Variants in C11orf42 observed in about 807,000 individuals in gnomAD.
C11orf42 encodes the protein uncharacterized protein C11orf42.
Under a neutral mutation model 27.9 loss-of-function variants are expected in C11orf42, and 24 were observed. The ratio of observed to expected loss-of-function variants is 0.86; its 90% confidence interval spans 0.62 to 1.21. C11orf42 has a LOEUF of 1.21. Ranked by LOEUF, C11orf42 falls within the 50% of genes most tolerant of loss-of-function variation. C11orf42 has a pLI of 0.00. For synonymous variants in C11orf42, 187 were observed against 180.8 expected (o/e 1.03, Z -0.28); for missense variants, 455 against 424.1 (o/e 1.07, Z -0.64).
intron 1 of C11orf42, among the ~76,000 whole-genome samples, chr11:6,207,753 T>A (rs1846995071): frequency 6.6e-6 from 1 of 152,198 alleles, no homozygotes; most frequent in South Asian, 2.1e-4. Flanking sequence ...ACAAGCTACC[T>A]CAGCTTATCC....
Position 6,209,922 on chromosome 11 carries a change from CT to C in C11orf42, c.146del (p.Leu49ArgfsTer5). 1 of 1,608,736 alleles carries C rather than the reference CT, an allele frequency of 6.2e-7. No individual in the cohort carries two copies. Among genetic ancestry groups the C allele is most frequent in the Non-Finnish European group, 8.5e-7 (1 of 1,175,368 alleles). On this transcript the variant is annotated frameshift_variant, in exon 2 of 3. Coordinates refer to ENST00000316375, the MANE Select transcript of C11orf42 (RefSeq NM_173525.3). LOFTEE classifies it high-confidence loss of function. ...GTCAGATGCAGCCTGCTATGACCTA[CT>C]GGGTGTGCTGGTAAAACAGTCCCGC... Reference protein sequence around the residue: ...FLSDAACYDLLGVLVKQSRPA... With the variant: ...FLSDAACYDLXGVLVKQSRPA...
At chr11:6,207,992 G>C (rs1307602405) in intron 1 of C11orf42, among the ~76,000 whole-genome samples, 2 of 152,154 alleles carry the variant, frequency 1.3e-5, no homozygotes, top group Non-Finnish European at 2.9e-5. Flanking sequence ...TCAAATATAA[G>C]AGATGCCCAA....
At chr11:6,206,214 T>C (rs1482996528) in intron 1 of C11orf42, among the ~76,000 whole-genome samples, 1 of 152,094 alleles carries the variant, frequency 6.6e-6, no homozygotes, top group Non-Finnish European at 1.5e-5. Context: ...AAAGAAGCAG[T>C]GGTAAAAATA....
Position 6,210,538 on chromosome 11 carries a change from C to G in C11orf42, c.761C>G (p.Pro254Arg), listed in dbSNP as rs1368808547. 6.2e-7 allele frequency: 1 copy of G among 1,613,544 alleles called. No individual in the cohort carries two copies. The highest frequency in any genetic ancestry group is 1.3e-5 in the African/African-American group (1 of 74,914). Residue 254 changes from proline (P) to arginine (R), a missense_variant, in exon 2 of 3, where the codon CCT becomes CGT. Pro to Arg is a moderately radical substitution (Grantham distance 103). Coordinates refer to ENST00000316375, the MANE Select transcript of C11orf42 (RefSeq NM_173525.3). This position sits in a 1 kb window ranked among gnomAD's most constrained non-coding sequence, Gnocchi z 4.0. ...DTTEAADVPP[P>R]VPAPPTPPPQ... is the part of the protein sequence containing the mutation. Reference sequence around the variant, plus strand: ...ACTGAAGCTGCTGATGTGCCCCCACCTGTCCCAGCCCCACCTACGCCACCT... The same window carrying G: ...ACTGAAGCTGCTGATGTGCCCCCACGTGTCCCAGCCCCACCTACGCCACCT...
At chr11:6,209,741 G>T in intron 1 of C11orf42, 109 bp from the exon 2 acceptor site, 1 of 1,129,246 alleles carries the variant, frequency 8.9e-7, no homozygotes. Flanking sequence ...GCATAAATCT[G>T]AACACATTAT....
chr11:6,209,670 G>C (rs1198202334), intron 1 of C11orf42, among the ~76,000 whole-genome samples, 180 bp from the exon 2 acceptor site: 4 of 152,346 alleles, frequency 2.6e-5, no homozygotes, highest in East Asian at 1.9e-4. Context: ...CCAGTACTTA[G>C]ATAGTTTGAC....
chr11:6,207,813 G>A (rs1846995623), intron 1 of C11orf42, among the ~76,000 whole-genome samples: 1 of 152,182 alleles, frequency 6.6e-6, no homozygotes, highest in Non-Finnish European at 1.5e-5. Flanking sequence ...TATGCTAGGA[G>A]GCAGTACTTC....
At position 6,210,035 on chromosome 11, in the gene C11orf42, G is replaced by A. The variant is rs1590595595; in HGVS notation, c.258G>A (p.Gln86=). The A allele has an allele frequency of 6.2e-7, 1 of 1,614,258 alleles. No individual in the cohort carries two copies. The highest frequency in any genetic ancestry group is 1.3e-5 in the African/African-American group (1 of 75,076). ...GGCCACTACCAAGCCTCCTGGAGCA[G>A]GCAGGATCTGAGGGTGCCTTCGCCC... The part of the protein sequence containing the change: ...PVGPLPSLLE[Q]AGSEGAFAHC... The change falls in exon 2 of 3, where the codon CAG becomes CAA. Residue 86 remains glutamine, a synonymous_variant. Transcript: ENST00000316375. This position sits in a 1 kb window ranked among gnomAD's most constrained non-coding sequence, Gnocchi z 4.0.
chr11:6,208,428 TAAG>T (rs1847003729), intron 1 of C11orf42, among the ~76,000 whole-genome samples: 1 of 152,212 alleles, frequency 6.6e-6, no homozygotes, highest in Non-Finnish European at 1.5e-5. Flanking sequence ...ACCAGTCACC[TAAG>T]AAGAATCCTT....
rs59276219 is a variant in C11orf42 at position 6,209,173 on chromosome 11, CA to C, written c.73-655del. On this transcript the variant is annotated intron_variant, in intron 1 of 2. Coordinates refer to ENST00000316375, the MANE Select transcript of C11orf42 (RefSeq NM_173525.3). The stretch of plus-strand genomic sequence containing the variant: ...CCTAGGCGACGAAGGAGAACCGACT[CA>C]AAAAAAAAAAAAAAAAAAAAATTAG... Among the ~76,000 whole-genome samples, 464 of 124,146 alleles carry C rather than the reference CA, an allele frequency of 3.7e-3. 8 individuals are homozygous for C. The South Asian group carries it at 0.066, about 18-fold the overall frequency. The allele number at this position is 124,146 out of a possible 152,430, so 81.4% of individuals were successfully genotyped here. A position where few individuals can be genotyped will look rare whatever the true frequency, so the allele number is the denominator to read the frequency against.
In C11orf42 at chr11:6,209,976, G is replaced by C. The variant is rs749914777; in HGVS notation, c.199G>C (p.Gly67Arg). The stretch of plus-strand genomic sequence containing the variant: ...AGCCCATACCCGCCTGGCTTTGCCA[G>C]GTCGGCAGGGCCGGAGGGCACTGAA... ...RPAHTRLALP[G>R]RQGRRALKPV... is the part of the protein sequence containing the mutation. Residue 67 changes from glycine to arginine, a missense_variant, in exon 2 of 3, where the codon GGT (glycine) becomes CGT (arginine). Physicochemically the swap from Gly to Arg is moderately radical, Grantham distance 125. Coordinates refer to ENST00000316375, the MANE Select transcript of C11orf42 (RefSeq NM_173525.3). 4 of 1,613,644 alleles carry C rather than the reference G, an allele frequency of 2.5e-6. No individual in the cohort carries two copies. The East Asian group carries it at 6.7e-5, about 27-fold the overall frequency.
In C11orf42 at chr11:6,209,888, ACCTTT is replaced by A; in HGVS notation, c.115_119del (p.Phe39ValfsTer7). 2 of 1,598,680 alleles carry A rather than the reference ACCTTT, an allele frequency of 1.3e-6. No homozygotes were observed. ...ACTTTGGGCCCAATGCAGTAGCAGTACCTTTCCTGTCAGATGCAGCCTGCTATGAC... is the reference window on the plus strand; with the variant it reads ...ACTTTGGGCCCAATGCAGTAGCAGTACCTGTCAGATGCAGCCTGCTATGAC... On this transcript the variant is annotated frameshift_variant, in exon 2 of 3. Transcript: ENST00000316375. LOFTEE classifies it high-confidence loss of function.
Position 6,210,099 on chromosome 11 carries a change from A to C in C11orf42, c.322A>C (p.Arg108=), listed in dbSNP as rs1374305843. ...ATACTCACCAAATGGCCGAGCAGAG[A>C]GAGCCTATGAAGAGACGCGAATGTT... ...REYSPNGRAE[R]AYEETRMLDG... Residue 108 remains arginine (R), a synonymous_variant, in exon 2 of 3, where the codon AGA becomes CGA. Coordinates refer to ENST00000316375, the MANE Select transcript of C11orf42 (RefSeq NM_173525.3). This position sits in a 1 kb window ranked among gnomAD's most constrained non-coding sequence, Gnocchi z 4.0. 2.5e-6 allele frequency: 4 copies of C among 1,614,090 alleles called. No individual in the cohort carries two copies. Among genetic ancestry groups the C allele is most frequent in the African/African-American group, 1.3e-5 (1 of 74,934 alleles).
At chr11:6,208,866 T>C (rs1360809713) in intron 1 of C11orf42, among the ~76,000 whole-genome samples, 6 of 152,196 alleles carry the variant, frequency 3.9e-5, no homozygotes, top group Non-Finnish European at 8.8e-5. Context: ...TCTTATTTTA[T>C]GACTTCCTAT....
rs763694674 is a variant in C11orf42 at position 6,210,928 on chromosome 11, C to T, written c.888C>T (p.Ser296=). The change falls in exon 3 of 3, where the codon AGC becomes AGT. Residue 296 remains serine (S), a synonymous_variant. Coordinates refer to ENST00000316375, the MANE Select transcript of C11orf42 (RefSeq NM_173525.3). This position sits in a 1 kb window ranked among gnomAD's most constrained non-coding sequence, Gnocchi z 4.0. ...PQILSENWLF[S]PRSPPPGAQG... is the part of the protein sequence containing the mutation. ...CCCTGGCAGAGAACTGGCTCTTCAG[C>T]CCCCGCAGCCCTCCACCAGGAGCCC... is the stretch of plus-strand genomic sequence containing the variant. 39 of 1,606,590 alleles carry T rather than the reference C, an allele frequency of 2.4e-5. No individual in the cohort carries two copies. The highest frequency in any genetic ancestry group is 1.8e-4 in the Middle Eastern group (1 of 5,660).
chr11:6,209,652 A>T (rs923878555), intron 1 of C11orf42, among the ~76,000 whole-genome samples, 198 bp from the exon 2 acceptor site: 1 of 152,212 alleles, frequency 6.6e-6, no homozygotes, highest in South Asian at 2.1e-4. Context: ...TCATTCTTTT[A>T]TGTTTTCCCA....
chr11:6,206,646 C>T (rs1411775549), intron 1 of C11orf42, among the ~76,000 whole-genome samples: 2 of 152,066 alleles, frequency 1.3e-5, no homozygotes, highest in African/African-American at 4.8e-5. Flanking sequence ...TAGCTGCTTA[C>T]CACAAAGGCC....
chr11:6,210,535 C>T lies in C11orf42; in HGVS notation c.758C>T (p.Pro253Leu), dbSNP rs1847042010. 6.2e-7 allele frequency: 1 copy of T among 1,613,516 alleles called. No homozygotes were observed. The highest frequency in any genetic ancestry group is 1.3e-5 in the African/African-American group (1 of 74,920). The change falls in exon 2 of 3, where the codon CCA becomes CTA. Residue 253 changes from proline to leucine, a missense_variant. Transcript: ENST00000316375. The surrounding 1 kb of genome is among the most constrained non-coding windows in gnomAD (Gnocchi z 4.0). ...ACAACTGAAGCTGCTGATGTGCCCC[C>T]ACCTGTCCCAGCCCCACCTACGCCA... Reference protein sequence around the residue: ...ADTTEAADVPPPVPAPPTPPP... With the variant: ...ADTTEAADVPLPVPAPPTPPP...
Position 6,210,666 on chromosome 11 carries a change from G to T in C11orf42, c.871+18G>T. On this transcript the variant is annotated intron_variant, in intron 2 of 2. Coordinates refer to ENST00000316375, the MANE Select transcript of C11orf42 (RefSeq NM_173525.3). The surrounding 1 kb of genome is among the most constrained non-coding windows in gnomAD (Gnocchi z 4.0). The stretch of plus-strand genomic sequence containing the variant: ...ACTGTCAGGTACTACTAGGGGAAAT[G>T]ATGATGAGATGGATGGGAGGGACAA... 1 of 1,607,506 alleles carries T rather than the reference G, an allele frequency of 6.2e-7. No homozygotes were observed.
Sources: allele counts gnomAD v4.1 joint callset (sites outside exome capture counted in the v4.1 genomes callset), GRCh38; gene constraint gnomAD v4.1.1; non-coding constraint Gnocchi (gnomAD v3.1); transcripts MANE v1.5; gene names NCBI Gene and HGNC (gene_info 2026-07-23, HGNC 2026-07-21).